ROR1: variants seen among roughly 807,000 people sequenced by gnomAD.
ROR1 encodes the protein ROR family WNT receptor 1.
A neutral mutation model predicts 78.8 loss-of-function variants in ROR1; 19 were observed. The ratio of observed to expected loss-of-function variants is 0.24; its 90% CI spans 0.17 to 0.35. The LOEUF (loss-of-function observed/expected upper bound fraction) is 0.35, where lower values mean the gene tolerates loss of function less well. Ranked by LOEUF, ROR1 falls within the 10% of genes least tolerant of loss-of-function variation. The pLI, the probability that ROR1 is intolerant of heterozygous loss-of-function variation, is 1.00. For missense variants in ROR1, 917 were observed against 1,177.8 expected, an observed-to-expected ratio of 0.78 and a Z score of 3.24; for synonymous variants, 386 against 433.6, an observed-to-expected ratio of 0.89 and a Z score of 1.36.
At chr1:64,112,761 G>C (rs1648157922) in intron 4 of ROR1, among the ~76,000 whole-genome samples, 1 of 151,806 alleles carries the variant, frequency 6.6e-6, no homozygotes, top group African/African-American at 2.4e-5. Context: ...AATCTCACCT[G>C]CATACCCAGT....
chr1:64,137,840 G>A (rs1002707003), intron 5 of ROR1, among the ~76,000 whole-genome samples: 1 of 152,158 alleles, frequency 6.6e-6, no homozygotes, highest in Non-Finnish European at 1.5e-5. Context: ...AGAGCTTACT[G>A]TTTAGAAGCA....
intron 1 of ROR1, among the ~76,000 whole-genome samples, chr1:63,781,156 A>G (rs557072663): frequency 4.6e-5 from 7 of 152,194 alleles, no homozygotes; most frequent in Non-Finnish European, 1.0e-4. Flanking sequence ...GTGTATTTCA[A>G]CTAACATTTA....
chr1:63,910,381 G>A (rs1281067202), intron 1 of ROR1, among the ~76,000 whole-genome samples: 1 of 152,126 alleles, frequency 6.6e-6, no homozygotes, highest in Non-Finnish European at 1.5e-5. Flanking sequence ...TCACAGAAAG[G>A]GCTCATTGGC....
At chr1:64,065,566 C>CT (rs1646949941) in intron 4 of ROR1, among the ~76,000 whole-genome samples, 1 of 152,160 alleles carries the variant, frequency 6.6e-6, no homozygotes, top group East Asian at 1.9e-4. Context: ...ACAGGGCACT[C>CT]TATCTCCAGG....
At chr1:64,110,431 G>A (rs1406572912) in intron 4 of ROR1, among the ~76,000 whole-genome samples, 2 of 152,056 alleles carry the variant, frequency 1.3e-5, no homozygotes, top group Non-Finnish European at 2.9e-5. Flanking sequence ...GCTGGGTTTT[G>A]CATTCAGGTC....
chr1:64,143,657 A>C (rs548244672), intron 7 of ROR1, among the ~76,000 whole-genome samples: 9 of 152,336 alleles, frequency 5.9e-5, no homozygotes, highest in African/African-American at 2.2e-4. Flanking sequence ...CTAAGTGCCA[A>C]GTACTTACTC....
intron 1 of ROR1, among the ~76,000 whole-genome samples, chr1:63,859,142 G>A (rs1480076481): frequency 1.3e-5 from 2 of 151,986 alleles, no homozygotes; most frequent in African/African-American, 2.4e-5. Flanking sequence ...TGGGTTGGGC[G>A]CCCCTCTGCA....
At chr1:64,164,052 C>T (rs1231865600) in intron 8 of ROR1, among the ~76,000 whole-genome samples, 2 of 151,474 alleles carry the variant, frequency 1.3e-5, no homozygotes, top group Non-Finnish European at 2.9e-5. Flanking sequence ...TTTTTTTCCC[C>T]TTGACTTTCC....
chr1:63,840,483 T>C (rs373140075), intron 1 of ROR1, among the ~76,000 whole-genome samples: 1 of 151,922 alleles, frequency 6.6e-6, no homozygotes, highest in African/African-American at 2.4e-5. Context: ...GGTTTCACCG[T>C]GTTGGCCAGG....
rs113314883 is a variant in ROR1, at chr1:63,788,202, C to T, written c.91+13694C>T. Among the ~76,000 whole-genome samples the T allele has an allele frequency of 4.0e-3, 612 of 152,262 alleles. 6 individuals are homozygous for T. Among genetic ancestry groups the T allele is most frequent in the African/African-American group, 0.014 (574 of 41,554 alleles). On this transcript the variant is annotated intron_variant, in intron 1 of 8. Coordinates refer to ENST00000371079, the MANE Select transcript of ROR1 (RefSeq NM_005012.4). ...ATAACAAAATGAAGTGGGTGTTATC[C>T]TTTTTTTAAAGCTAAGAGGAAGCAG...
rs972003019 is a variant in ROR1, at chr1:64,180,267, A to T, written c.*1412A>T. 6.6e-6 allele frequency: 1 copy of T among 151,540 alleles called. No individual in the cohort carries two copies. Among genetic ancestry groups the T allele is most frequent in the Non-Finnish European group, 1.5e-5 (1 of 67,870 alleles). 9.4% of individuals were successfully genotyped at this position (151,540 alleles called of 1,614,324 possible). A position where few individuals can be genotyped will look rare whatever the true frequency, so the allele number is the denominator to read the frequency against. ...TTTTACTTTTGATTTTTCTCTTGTT[A>T]AAAAAAAACTCCTTTATTCTAAGAA... On this transcript the variant is annotated 3_prime_UTR_variant, in exon 9 of 9. Coordinates refer to ENST00000371079, the MANE Select transcript of ROR1 (RefSeq NM_005012.4).
intron 2 of ROR1, among the ~76,000 whole-genome samples, chr1:64,039,814 T>C (rs1345961288): frequency 1.3e-5 from 2 of 152,192 alleles, no homozygotes; most frequent in Non-Finnish European, 2.9e-5. Context: ...TAAAAGTTCA[T>C]TACGTGGACC....
At chr1:64,155,228 A>G (rs909729222) in intron 7 of ROR1, among the ~76,000 whole-genome samples, 70 of 152,338 alleles carry the variant, frequency 4.6e-4, no homozygotes, top group African/African-American at 1.5e-3. Flanking sequence ...TCGGACTTCA[A>G]AAAGAACCTA....
intron 1 of ROR1, among the ~76,000 whole-genome samples, chr1:64,006,786 G>A (rs1646431198): frequency 6.6e-6 from 1 of 152,130 alleles, no homozygotes; most frequent in Admixed American, 6.5e-5. Flanking sequence ...CCTGCTTCTA[G>A]GACTAGGAAA....
At position 63,774,492 on chromosome 1, in the gene ROR1, C is replaced by G; in HGVS notation, c.75C>G (p.Arg25=). The G allele has an allele frequency of 8.7e-7, 1 of 1,144,128 alleles. No homozygotes were observed. The highest frequency in any genetic ancestry group is 1.1e-6 in the Non-Finnish European group (1 of 936,166). The allele number at this position is 1,144,128 out of a possible 1,614,324, so 70.9% of individuals were successfully genotyped here. A position where few individuals can be genotyped will look rare whatever the true frequency, so the allele number is the denominator to read the frequency against. Residue 25 remains arginine, a synonymous_variant, in exon 1 of 9, where the codon CGC becomes CGG. Transcript: ENST00000371079. The surrounding 1 kb of genome is among the most constrained non-coding windows in gnomAD (Gnocchi z 5.7). ...TGGCCGCGCTGCTGCTGGCCGCACG[C>G]GGGGCTGCTGCCCAAGGTAAGAGGC... is the stretch of plus-strand genomic sequence containing the variant. The part of the protein sequence containing the change: ...ALLAALLLAA[R]GAAAQETELS...
chr1:64,172,644 G>A (rs1450715591), intron 8 of ROR1, among the ~76,000 whole-genome samples: 2 of 152,134 alleles, frequency 1.3e-5, no homozygotes, highest in South Asian at 2.1e-4. Context: ...CATGCCTCAT[G>A]TGTATTTTAC....
chr1:64,121,736 GC>G (rs1020502664), intron 4 of ROR1, among the ~76,000 whole-genome samples: 1 of 151,598 alleles, frequency 6.6e-6, no homozygotes, highest in African/African-American at 2.4e-5. Flanking sequence ...CTGTTGCCCA[GC>G]CCTTGGTACA....
chr1:63,814,064 A>G (rs2100273718), intron 1 of ROR1, among the ~76,000 whole-genome samples: 1 of 152,352 alleles, frequency 6.6e-6, no homozygotes, highest in South Asian at 2.1e-4. Flanking sequence ...AGCAACATCC[A>G]AATAGTTTCT....
chr1:64,058,219 GT>G (rs1223524793), intron 4 of ROR1, among the ~76,000 whole-genome samples: 1 of 152,058 alleles, frequency 6.6e-6, no homozygotes, highest in Non-Finnish European at 1.5e-5. Flanking sequence ...AGCTCTAGCA[GT>G]TTTTTTGTGA....
Sources: gnomAD v4.1 joint callset for allele counts (sites outside exome capture counted in the v4.1 genomes callset) on GRCh38, gnomAD v4.1.1 for gene constraint, Gnocchi (gnomAD v3.1) non-coding constraint, MANE v1.5 for transcripts, NCBI Gene and HGNC (gene_info 2026-07-23, HGNC 2026-07-21) for gene names.